The following DST variants were observed in gnomAD, a reference collection of about 807,000 sequenced individuals.
DST encodes dystonin, also known as bullous pemphigoid antigen.
Under a neutral mutation model 875.2 loss-of-function variants are expected in DST, and 253 were observed. The observed-to-expected ratio is 0.29, with a 90% CI of 0.26 to 0.32. The LOEUF (loss-of-function observed/expected upper bound fraction) is 0.32, where lower values mean the gene tolerates loss of function less well. DST is among the 10% of genes least tolerant of loss of function. The pLI is 1.00. For synonymous variants in DST, 3,124 were observed against 3,197.1 expected, an observed-to-expected ratio of 0.98 and a Z score of 0.77; for missense variants, 8,287 against 9,111.6, an observed-to-expected ratio of 0.91 and a Z score of 3.68.
At chr6:56,759,350 C>G (rs1338226990) in intron 4 of DST, among the ~76,000 whole-genome samples, 3 of 152,030 alleles carry the variant, frequency 2.0e-5, no homozygotes, top group Non-Finnish European at 4.4e-5. Context: ...ACTCAGGAGG[C>G]TGAGGAAGGA....
chr6:56,561,915 C>G (rs1584961820), intron 56 of DST, among the ~76,000 whole-genome samples: 1 of 151,798 alleles, frequency 6.6e-6, no homozygotes, highest in East Asian at 1.9e-4. Context: ...GCAACAAAAC[C>G]AAGTGTCAAA....
At chr6:56,816,001 T>C (rs1182956994) in intron 4 of DST, among the ~76,000 whole-genome samples, 1 of 152,140 alleles carries the variant, frequency 6.6e-6, no homozygotes, top group Non-Finnish European at 1.5e-5. Flanking sequence ...AAAAGTAAGA[T>C]TGAGTAATTT....
chr6:56,868,057 T>A (rs1042072463), intron 3 of DST, among the ~76,000 whole-genome samples: 12 of 152,202 alleles, frequency 7.9e-5, no homozygotes, highest in African/African-American at 1.4e-4. Context: ...GTAGTTTTTT[T>A]AAAAAACATT....
intron 2 of DST, among the ~76,000 whole-genome samples, chr6:56,922,185 G>A (rs1804653569): frequency 6.6e-6 from 1 of 152,102 alleles, no homozygotes; most frequent in East Asian, 1.9e-4. Context: ...TGTGTGTACA[G>A]TCAAGTTCTA....
At chr6:56,803,079 T>G (rs772588538) in intron 4 of DST, among the ~76,000 whole-genome samples, 2 of 152,214 alleles carry the variant, frequency 1.3e-5, no homozygotes, top group Non-Finnish European at 2.9e-5. Flanking sequence ...CTAAATGCTT[T>G]ACATAAATCA....
intron 36 of DST, chr6:56,615,636 TTCTTTTTG>T (rs766578628): frequency 9.3e-6 from 15 of 1,614,146 alleles, no homozygotes; most frequent in Non-Finnish European, 1.3e-5. Context: ...TATGTCAACT[TTCTTTTTG>T]TCTGAGGGCA....
At chr6:56,856,328 T>C (rs974975128) in intron 3 of DST, among the ~76,000 whole-genome samples, 6 of 152,224 alleles carry the variant, frequency 3.9e-5, no homozygotes, top group Admixed American at 2.6e-4. Context: ...AGGCATTCTC[T>C]ACAGGCAACG....
rs183904243 is a variant in DST, at chr6:56,851,304, G to A, written c.625+93C>T. The A allele has an allele frequency of 3.3e-3, 3,764 of 1,153,968 alleles. 23 individuals are homozygous for A. Among genetic ancestry groups the A allele is most frequent in the Non-Finnish European group, 3.0e-3 (2,426 of 804,766 alleles). The allele number at this position is 1,153,968 out of a possible 1,614,324, so 71.5% of individuals were successfully genotyped here. On this transcript the variant is annotated intron_variant, in intron 4 of 103. Transcript: ENST00000680361. ...CCTTGAGCACAGATTCCTGCCCAGTGCATCAGCTCCCGCTATGGCCCCCCA... is the reference window on the plus strand; with the variant it reads ...CCTTGAGCACAGATTCCTGCCCAGTACATCAGCTCCCGCTATGGCCCCCCA...
chr6:56,527,418 A>G, intron 68 of DST, 75 bp downstream of exon 68: 1 of 1,507,524 alleles, frequency 6.6e-7, no homozygotes, highest in South Asian at 1.3e-5. Context: ...TAAGACAAAT[A>G]TAATTTTATT....
intron 2 of DST, among the ~76,000 whole-genome samples, chr6:56,906,671 C>T (rs1340397323): frequency 6.6e-6 from 1 of 152,110 alleles, no homozygotes; most frequent in Admixed American, 6.5e-5. Flanking sequence ...CCACTGCCTG[C>T]CAGCCTTTTC....
At position 56,634,833 on chromosome 6, in the gene DST, T is replaced by A. The variant is rs1587341915; in HGVS notation, c.3307A>T (p.Ile1103Phe). The A allele has an allele frequency of 2.5e-6, 4 of 1,614,084 alleles. No individual in the cohort carries two copies. Among genetic ancestry groups the A allele is most frequent in the East Asian group, 2.2e-5 (1 of 44,872 alleles). Reference sequence around the variant, plus strand: ...TGTCTGTAGTCACAGATAGCTTTGATCGGAATAGAAGTTTTGAGTGGACAG... The same window carrying A: ...TGTCTGTAGTCACAGATAGCTTTGAACGGAATAGAAGTTTTGAGTGGACAG... ...SDCPLKTSIP[I>F]KAICDYRQIE... The change falls in exon 25 of 104, where the codon ATC becomes TTC. Residue 1103 changes from isoleucine (I) to phenylalanine (F), a missense_variant. Transcript: ENST00000680361.
chr6:56,897,848 C>T (rs1792203366), intron 3 of DST, among the ~76,000 whole-genome samples: 1 of 152,108 alleles, frequency 6.6e-6, no homozygotes, highest in African/African-American at 2.4e-5. Context: ...TCCCTCCTGA[C>T]TCACTAGGTT....
chr6:56,918,491 G>A (rs1177805670), intron 2 of DST, among the ~76,000 whole-genome samples: 1 of 152,002 alleles, frequency 6.6e-6, no homozygotes, highest in Non-Finnish European at 1.5e-5. Context: ...CTACTGACTA[G>A]AATTCGGACA....
At chr6:56,674,993 A>C (rs1030815582) in intron 9 of DST, among the ~76,000 whole-genome samples, 1 of 152,196 alleles carries the variant, frequency 6.6e-6, no homozygotes, top group Non-Finnish European at 1.5e-5. Flanking sequence ...GAAGCGTCAC[A>C]CTCCACCTGA....
chr6:56,708,079 A>G (rs567392895), intron 5 of DST, among the ~76,000 whole-genome samples: 7 of 152,332 alleles, frequency 4.6e-5, no homozygotes, highest in African/African-American at 1.7e-4. Flanking sequence ...CCTGGGCAAA[A>G]GAGTGAGACT....
chr6:56,502,561 G>A (rs2096169858), intron 78 of DST, among the ~76,000 whole-genome samples: 1 of 152,016 alleles, frequency 6.6e-6, no homozygotes, highest in South Asian at 2.1e-4. Flanking sequence ...CCCTAAGTGG[G>A]TGAACCTGGA....
chr6:56,599,018 T>C (rs567801710), intron 45 of DST, among the ~76,000 whole-genome samples: 2 of 152,288 alleles, frequency 1.3e-5, no homozygotes, highest in South Asian at 4.1e-4. Context: ...TTTAATATTA[T>C]ATGAGCACAT....
chr6:56,883,559 G>A (rs1045110846), intron 3 of DST, among the ~76,000 whole-genome samples: 1 of 152,020 alleles, frequency 6.6e-6, no homozygotes, highest in Non-Finnish European at 1.5e-5. Context: ...AAAAATTTAG[G>A]CTTACTCTAC....
At chr6:56,517,375 C>G in intron 70 of DST, 70 bp from the exon 71 acceptor site, 1 of 1,579,336 alleles carries the variant, frequency 6.3e-7, no homozygotes, top group Non-Finnish European at 8.7e-7. Context: ...AACAATTAGG[C>G]TAAGTAGTTA....
Sources: gnomAD v4.1 joint callset for allele counts (sites outside exome capture counted in the v4.1 genomes callset) on GRCh38, gnomAD v4.1.1 for gene constraint, MANE v1.5 for transcripts, NCBI Gene and HGNC (gene_info 2026-07-23, HGNC 2026-07-21) for gene names.